Variants in LTBP1 observed in about 807,000 individuals in gnomAD.
LTBP1 encodes latent-transforming growth factor beta-binding protein 1.
Under a neutral mutation model 207.6 loss-of-function variants are expected in LTBP1, and 129 were observed. The observed-to-expected ratio is 0.62, with a 90% CI of 0.54 to 0.72. The LOEUF (loss-of-function observed/expected upper bound fraction) is 0.72. Among genes scored for constraint, LTBP1 ranks in the 30% least tolerant of loss-of-function variants. The pLI is 0.00. For synonymous variants in LTBP1, 963 were observed against 833.7 expected, an observed-to-expected ratio of 1.16 and a Z score of -2.67; for missense variants, 2,281 against 2,217.2, an observed-to-expected ratio of 1.03 and a Z score of -0.58.
intron 3 of LTBP1, among the ~76,000 whole-genome samples, chr2:33,089,082 G>T (rs1209301218): frequency 1.3e-5 from 2 of 151,024 alleles, no homozygotes; most frequent in East Asian, 3.9e-4. Context: ...CTTGAACCCG[G>T]GAGGTAAAGG....
At chr2:33,152,162 C>G (rs112564689) in intron 5 of LTBP1, among the ~76,000 whole-genome samples, 2,557 of 152,098 alleles carry the variant, frequency 0.017, 31 homozygotes, top group Non-Finnish European at 0.026. Context: ...TCTTCACACT[C>G]TATACATCTG....
At chr2:33,144,266 A>G (rs1285452485) in intron 5 of LTBP1, among the ~76,000 whole-genome samples, 1 of 152,162 alleles carries the variant, frequency 6.6e-6, no homozygotes, top group Non-Finnish European at 1.5e-5. Flanking sequence ...GTGCTCCGGT[A>G]GGAGCGCACA....
At chr2:33,064,344 C>G (rs1361303476) in intron 3 of LTBP1, among the ~76,000 whole-genome samples, 1 of 152,168 alleles carries the variant, frequency 6.6e-6, no homozygotes, top group Non-Finnish European at 1.5e-5. Context: ...GAGATTTTAT[C>G]TTGCTTGCAG....
At chr2:33,013,070 A>C (rs1413112606) in intron 2 of LTBP1, among the ~76,000 whole-genome samples, 1 of 152,196 alleles carries the variant, frequency 6.6e-6, no homozygotes, top group Non-Finnish European at 1.5e-5. Flanking sequence ...CTTGGCACAA[A>C]TAGCGCTGCT....
At chr2:33,229,273 C>A (rs2091648715) in intron 9 of LTBP1, among the ~76,000 whole-genome samples, 1 of 151,970 alleles carries the variant, frequency 6.6e-6, no homozygotes, top group South Asian at 2.1e-4. Flanking sequence ...AGTTTAAAAC[C>A]AGCCTGGGCA....
At chr2:33,363,630 G>T in intron 29 of LTBP1, 112 bp downstream of exon 29, 1 of 1,235,980 alleles carries the variant, frequency 8.1e-7, no homozygotes, top group Non-Finnish European at 1.1e-6. Context: ...GTGTTGAAAA[G>T]ATGTGTAAAC....
intron 18 of LTBP1, among the ~76,000 whole-genome samples, chr2:33,276,314 C>T (rs1353351362): frequency 6.6e-6 from 1 of 152,184 alleles, no homozygotes; most frequent in Non-Finnish European, 1.5e-5. Context: ...ATTCCTTTGT[C>T]TCCAATGCTT....
intron 3 of LTBP1, among the ~76,000 whole-genome samples, chr2:33,034,832 A>G (rs941931114): frequency 1.3e-5 from 2 of 152,208 alleles, no homozygotes; most frequent in African/African-American, 4.8e-5. Flanking sequence ...ATCCATGCCA[A>G]TCAATTAGTA....
intron 19 of LTBP1, among the ~76,000 whole-genome samples, chr2:33,284,456 G>A (rs969969570): frequency 6.6e-6 from 1 of 152,128 alleles, no homozygotes; most frequent in Admixed American, 6.5e-5. Context: ...TCTCTAGAGA[G>A]TCACGTTCGT....
chr2:33,121,773 C>T (rs1052558789), intron 4 of LTBP1, among the ~76,000 whole-genome samples: 3 of 151,992 alleles, frequency 2.0e-5, no homozygotes, highest in Admixed American at 6.6e-5. Flanking sequence ...TTTTGTGATT[C>T]GGTTAGGTAC....
chr2:33,175,520 G>A (rs935041418), intron 5 of LTBP1, among the ~76,000 whole-genome samples: 3 of 152,202 alleles, frequency 2.0e-5, no homozygotes, highest in South Asian at 4.2e-4. Flanking sequence ...GCTGGAGAGG[G>A]TGTGGAGAAA....
intron 23 of LTBP1, among the ~76,000 whole-genome samples, chr2:33,314,220 A>G (rs2094230155): frequency 6.6e-6 from 1 of 152,160 alleles, no homozygotes; most frequent in African/African-American, 2.4e-5. Context: ...TGATTTCATC[A>G]TCGGAAACCA....
intron 22 of LTBP1, among the ~76,000 whole-genome samples, chr2:33,307,244 A>G (rs2094113033): frequency 6.6e-6 from 1 of 152,206 alleles, no homozygotes; most frequent in African/African-American, 2.4e-5. Context: ...AAACTTAAAT[A>G]TAACCTAATT....
At chr2:32,968,392 A>G (rs219030) in intron 2 of LTBP1, among the ~76,000 whole-genome samples, 32,276 of 152,022 alleles carry the variant, frequency 0.21, 4,495 homozygotes, top group Non-Finnish European at 0.31. Flanking sequence ...ATGCCTGATA[A>G]TTTTCCTTGC....
At chr2:32,964,729 T>TA (rs879890494) in intron 2 of LTBP1, among the ~76,000 whole-genome samples, 2 of 151,986 alleles carry the variant, frequency 1.3e-5, no homozygotes, top group African/African-American at 4.8e-5. Flanking sequence ...TTTGTAACAT[T>TA]AAAAAAAATT....
chr2:33,269,735 C>T (rs1407803210), intron 15 of LTBP1, among the ~76,000 whole-genome samples: 2 of 152,048 alleles, frequency 1.3e-5, no homozygotes, highest in Admixed American at 6.6e-5. Context: ...GTGTGAGTGA[C>T]CACTTAGGAA....
intron 15 of LTBP1, among the ~76,000 whole-genome samples, chr2:33,267,516 C>A (rs2093213675): frequency 2.0e-5 from 3 of 152,134 alleles, no homozygotes; most frequent in African/African-American, 7.2e-5. Context: ...TTATTGAGCA[C>A]ACTGATAAGA....
chr2:33,373,514 A>C (rs1218249580), intron 31 of LTBP1, among the ~76,000 whole-genome samples: 1 of 152,224 alleles, frequency 6.6e-6, no homozygotes, highest in Non-Finnish European at 1.5e-5. Context: ...GTCAGTATGT[A>C]TCCAACTTCC....
At chr2:33,246,949 G>A (rs759346078) in intron 10 of LTBP1, among the ~76,000 whole-genome samples, 4 of 152,146 alleles carry the variant, frequency 2.6e-5, no homozygotes, top group Non-Finnish European at 5.9e-5. Context: ...GTGGAAATTC[G>A]AGGACTTTTC....
Sources: allele counts gnomAD v4.1 joint callset (sites outside exome capture counted in the v4.1 genomes callset), GRCh38; gene constraint gnomAD v4.1.1; transcripts MANE v1.5; gene names NCBI Gene and HGNC (gene_info 2026-07-23, HGNC 2026-07-21).